MACROD2: variants seen among roughly 807,000 people sequenced by gnomAD.
The protein encoded by MACROD2 is ADP-ribose glycohydrolase MACROD2.
A neutral mutation model predicts 70.4 loss-of-function variants in MACROD2; 36 were observed. The observed-to-expected ratio is 0.51, with a 90% CI of 0.39 to 0.68. The LOEUF (loss-of-function observed/expected upper bound fraction) is 0.68, where lower values mean the gene tolerates loss of function less well. Among genes scored for constraint, MACROD2 ranks in the 30% least tolerant of loss-of-function variants. The probability of loss-of-function intolerance (pLI) is 0.00; values close to 1 mark genes in which losing one functional copy is unlikely to be tolerated. For synonymous variants in MACROD2, 172 were observed against 178.8 expected (o/e 0.96, Z 0.30); for missense variants, 496 against 538.4 (o/e 0.92, Z 0.78).
At chr20:15,028,357 G>C (rs1275305259) in intron 5 of MACROD2, among the ~76,000 whole-genome samples, 1 of 152,216 alleles carries the variant, frequency 6.6e-6, no homozygotes, top group African/African-American at 2.4e-5. Flanking sequence ...AGGGCCCAGA[G>C]TGGAGTGAGG....
At chr20:14,925,074 C>A (rs2074213369) in intron 5 of MACROD2, among the ~76,000 whole-genome samples, 1 of 151,702 alleles carries the variant, frequency 6.6e-6, no homozygotes, top group Non-Finnish European at 1.5e-5. Context: ...CTACGTAATG[C>A]TTGTCTTTTA....
intron 4 of MACROD2, among the ~76,000 whole-genome samples, chr20:14,535,330 C>A (rs928580312): frequency 7.9e-5 from 12 of 151,762 alleles, no homozygotes. Flanking sequence ...ATGGTGAAAC[C>A]CCATCTCTAC....
chr20:15,913,640 C>T (rs2065268238), intron 10 of MACROD2, among the ~76,000 whole-genome samples: 1 of 152,120 alleles, frequency 6.6e-6, no homozygotes, highest in Non-Finnish European at 1.5e-5. Context: ...TTATAGAATG[C>T]TTTGCTCTTT....
At chr20:15,917,376 C>T (rs1479400123) in intron 10 of MACROD2, among the ~76,000 whole-genome samples, 1 of 152,148 alleles carries the variant, frequency 6.6e-6, no homozygotes. Context: ...GGGTTATGGT[C>T]TCAGAAAATT....
At chr20:15,402,044 G>T (rs1428398771) in intron 6 of MACROD2, among the ~76,000 whole-genome samples, 1 of 152,142 alleles carries the variant, frequency 6.6e-6, no homozygotes, top group African/African-American at 2.4e-5. Context: ...CTTCCCCTCT[G>T]CACCACTCAT....
At position 14,233,698 on chromosome 20, in the gene MACROD2, CA is replaced by C. The variant is rs1261096475; in HGVS notation, c.271+147985del. Among the ~76,000 whole-genome samples the C allele has an allele frequency of 2.9e-4, 8 of 27,472 alleles. 1 individual carries two copies. The highest frequency in any genetic ancestry group is 2.5e-3 in the Admixed American group (6 of 2,412). The allele number at this position is 27,472 out of a possible 152,430, so 18.0% of individuals were successfully genotyped here. A position where few individuals can be genotyped will look rare whatever the true frequency, so the allele number is the denominator to read the frequency against. On this transcript the variant is annotated intron_variant, in intron 3 of 17. Transcript: ENST00000684519. ...GGCGACAGAGCGAGACTCCGTCTCACAAAAAAAAAAAAAAAGAAAAGAAAAG... is the reference window on the plus strand; with the variant it reads ...GGCGACAGAGCGAGACTCCGTCTCACAAAAAAAAAAAAAAGAAAAGAAAAG...
At chr20:14,150,797 G>GA (rs2055009143) in intron 3 of MACROD2, among the ~76,000 whole-genome samples, 2 of 152,246 alleles carry the variant, frequency 1.3e-5, no homozygotes, top group East Asian at 3.9e-4. Context: ...AGAGAGATAA[G>GA]AAAAATGATG....
chr20:15,317,730 G>C (rs1345096950), intron 6 of MACROD2, among the ~76,000 whole-genome samples: 2 of 151,650 alleles, frequency 1.3e-5, no homozygotes, highest in African/African-American at 4.8e-5. Flanking sequence ...CAATGTTTCA[G>C]CTAAAGGTAG....
At chr20:14,129,861 G>A (rs2054696147) in intron 3 of MACROD2, among the ~76,000 whole-genome samples, 1 of 152,158 alleles carries the variant, frequency 6.6e-6, no homozygotes, top group South Asian at 2.1e-4. Context: ...TATGTGCATT[G>A]TGTTTTTAGA....
intron 5 of MACROD2, among the ~76,000 whole-genome samples, chr20:15,123,510 T>C (rs1332466815): frequency 1.3e-5 from 2 of 152,242 alleles, no homozygotes; most frequent in African/African-American, 2.4e-5. Flanking sequence ...AATAATAATG[T>C]AGATTGTCTC....
intron 7 of MACROD2, among the ~76,000 whole-genome samples, chr20:15,450,917 G>A (rs903217817): frequency 5.3e-5 from 8 of 152,048 alleles, no homozygotes; most frequent in Non-Finnish European, 7.4e-5. Context: ...ATGGAATTGC[G>A]TCCATCTCAC....
intron 3 of MACROD2, among the ~76,000 whole-genome samples, chr20:14,118,165 T>A (rs2054538462): frequency 6.6e-6 from 1 of 152,226 alleles, no homozygotes; most frequent in Non-Finnish European, 1.5e-5. Flanking sequence ...ATTTGTGGTA[T>A]TTGCTACATA....
intron 3 of MACROD2, among the ~76,000 whole-genome samples, chr20:14,210,929 A>G (rs1463740284): frequency 1.3e-5 from 2 of 152,174 alleles, no homozygotes; most frequent in Non-Finnish European, 2.9e-5. Context: ...ACAGTGCGTC[A>G]TGTAAGGGGA....
At chr20:15,361,574 G>A (rs1420931629) in intron 6 of MACROD2, among the ~76,000 whole-genome samples, 3 of 152,052 alleles carry the variant, frequency 2.0e-5, no homozygotes, top group East Asian at 1.9e-4. Flanking sequence ...TTGGAATAAC[G>A]TTTTCTGTAG....
intron 5 of MACROD2, among the ~76,000 whole-genome samples, chr20:15,165,925 A>T (rs1274764375): frequency 6.6e-6 from 1 of 152,220 alleles, no homozygotes; most frequent in Non-Finnish European, 1.5e-5. Flanking sequence ...GAAAAGGAAG[A>T]AACTATGGAT....
intron 8 of MACROD2, among the ~76,000 whole-genome samples, chr20:15,645,280 G>A (rs2049524059): frequency 6.6e-6 from 1 of 152,172 alleles, no homozygotes; most frequent in African/African-American, 2.4e-5. Context: ...AGAGCCCTGA[G>A]ACTCTCAATC....
chr20:14,999,748 A>G (rs2074978249), intron 5 of MACROD2, among the ~76,000 whole-genome samples: 1 of 152,226 alleles, frequency 6.6e-6, no homozygotes, highest in South Asian at 2.1e-4. Flanking sequence ...TTGTTTTTGC[A>G]ATCAGTGTTA....
Position 14,003,575 on chromosome 20 carries a change from A to C in MACROD2, c.163+1171A>C, listed in dbSNP as rs940875405. ...CAAACTGATAAGATTGGCCTTAAGA[A>C]GCCCCTGCCTGATCACGTGAGCATC... On this transcript the variant is annotated intron_variant, in intron 2 of 17. Coordinates refer to ENST00000684519, the MANE Select transcript of MACROD2 (RefSeq NM_001351661.2). 5.9e-5 allele frequency: 23 copies of C among 390,660 alleles called. No homozygotes were observed. The Admixed American group carries it at 7.0e-4, about 12-fold the overall frequency. The allele number at this position is 390,660 out of a possible 1,614,324, so 24.2% of individuals were successfully genotyped here. A position where few individuals can be genotyped will look rare whatever the true frequency, so the allele number is the denominator to read the frequency against.
At chr20:14,394,230 C>T (rs1450440515) in intron 3 of MACROD2, among the ~76,000 whole-genome samples, 1 of 152,250 alleles carries the variant, frequency 6.6e-6, no homozygotes, top group East Asian at 1.9e-4. Flanking sequence ...GTTATCAAGC[C>T]TTTCAACCCA....
Sources: gnomAD v4.1 joint callset for allele counts (sites outside exome capture counted in the v4.1 genomes callset) on GRCh38, gnomAD v4.1.1 for gene constraint, MANE v1.5 for transcripts, NCBI Gene and HGNC (gene_info 2026-07-23, HGNC 2026-07-21) for gene names.